The following CCDC102B variants were observed in gnomAD, a reference collection of about 807,000 sequenced individuals.
The protein encoded by CCDC102B is coiled-coil domain-containing protein 102B.
In CCDC102B, 75 loss-of-function variants were observed where a neutral mutation model predicts 57.4. The ratio of observed to expected loss-of-function variants is 1.31; its 90% confidence interval spans 1.08 to 1.58. The LOEUF is 1.58. Ranked by LOEUF, CCDC102B falls within the 40% of genes most tolerant of loss-of-function variation. The probability of loss-of-function intolerance (pLI) is 0.00; values close to 1 mark genes in which losing one functional copy is unlikely to be tolerated. For synonymous variants in CCDC102B, 206 were observed against 201.9 expected (o/e 1.02, Z -0.17); for missense variants, 636 against 582.6 (o/e 1.09, Z -0.94).
At chr18:68,899,309 A>G (rs1342111037) in intron 6 of CCDC102B, among the ~76,000 whole-genome samples, 1 of 152,062 alleles carries the variant, frequency 6.6e-6, no homozygotes. Flanking sequence ...GAACATGCCA[A>G]GGTTTAGGGA....
chr18:68,857,254 T>TA (rs1471575002), intron 4 of CCDC102B, among the ~76,000 whole-genome samples: 8 of 69,574 alleles, frequency 1.1e-4, no homozygotes, highest in Non-Finnish European at 1.9e-4. Context: ...ATATTTATTA[T>TA]TTAAATATAT....
intron 7 of CCDC102B, among the ~76,000 whole-genome samples, chr18:69,029,875 A>G (rs2052091882): frequency 6.6e-6 from 1 of 152,224 alleles, no homozygotes; most frequent in African/African-American, 2.4e-5. Context: ...TTCCATATTT[A>G]TGAAATTGGG....
Position 68,893,109 on chromosome 18 carries a change from A to G in CCDC102B, c.1054-4110A>G, listed in dbSNP as rs980697402. The stretch of plus-strand genomic sequence containing the variant: ...TACAACTTGAGGAAAAAGTAAATAC[A>G]CTATTTTGTATCTGAAGTGGCTGTT... On this transcript the variant is annotated intron_variant, in intron 5 of 7. Coordinates refer to ENST00000360242, the MANE Select transcript of CCDC102B (RefSeq NM_024781.3). 5.9e-5 allele frequency among the ~76,000 whole-genome samples: 9 copies of G among 152,210 alleles called. No homozygotes were observed. The East Asian group carries it at 1.7e-3, about 29-fold the overall frequency.
At chr18:68,887,668 G>A (rs117566161) in intron 5 of CCDC102B, among the ~76,000 whole-genome samples, 1,786 of 152,266 alleles carry the variant, frequency 0.012, 37 homozygotes, top group East Asian at 0.08. Context: ...CCACAGATGT[G>A]AATCTTCACT....
At chr18:69,036,194 A>G (rs1364551691) in intron 7 of CCDC102B, among the ~76,000 whole-genome samples, 3 of 152,038 alleles carry the variant, frequency 2.0e-5, no homozygotes, top group African/African-American at 7.2e-5. Flanking sequence ...AGCCATTTCT[A>G]TTGTGTTATA....
chr18:68,808,517 G>T (rs1404154071), intron 1 of CCDC102B, among the ~76,000 whole-genome samples: 2 of 124,010 alleles, frequency 1.6e-5, no homozygotes, highest in Non-Finnish European at 3.1e-5. Flanking sequence ...TCGCTCTTTC[G>T]GCCAGGCCGG....
chr18:68,896,325 G>A (rs539760958), intron 5 of CCDC102B, among the ~76,000 whole-genome samples: 1 of 152,030 alleles, frequency 6.6e-6, no homozygotes, highest in South Asian at 2.1e-4. Flanking sequence ...AAAAACCAAA[G>A]GAGATATTAA....
intron 5 of CCDC102B, 41 bp from the exon 6 acceptor site, chr18:68,897,178 G>T: frequency 6.5e-7 from 1 of 1,533,484 alleles, no homozygotes; most frequent in Non-Finnish European, 8.9e-7. Flanking sequence ...TTTGGCAATT[G>T]CAAATGCTGC....
At chr18:68,831,275 T>A (rs2037129885) in intron 1 of CCDC102B, among the ~76,000 whole-genome samples, 2 of 152,202 alleles carry the variant, frequency 1.3e-5, no homozygotes, top group Middle Eastern at 3.4e-3. Context: ...TCACATAGAT[T>A]TGCACCAGTG....
downstream of CCDC102B, among the ~76,000 whole-genome samples, chr18:69,056,636 A>G (rs368545896): frequency 8.2e-6 from 1 of 121,918 alleles, no homozygotes; most frequent in African/African-American, 2.9e-5. Context: ...ATAGATAGAT[A>G]ATAGATAGAT....
chr18:68,852,963 A>C (rs1466248551), intron 4 of CCDC102B, among the ~76,000 whole-genome samples: 1 of 152,164 alleles, frequency 6.6e-6, no homozygotes, highest in Non-Finnish European at 1.5e-5. Context: ...AGCAGGATGT[A>C]AATATGATCA....
chr18:68,861,995 CTACTGATTGAACA>C (rs1445912305), intron 4 of CCDC102B, among the ~76,000 whole-genome samples: 1 of 152,088 alleles, frequency 6.6e-6, no homozygotes, highest in Non-Finnish European at 1.5e-5. Context: ...TAACTTCTTT[CTACTGATTGAACA>C]AATTTATATA....
intron 6 of CCDC102B, among the ~76,000 whole-genome samples, chr18:68,990,832 G>C (rs937346763): frequency 6.6e-6 from 1 of 151,854 alleles, no homozygotes; most frequent in East Asian, 1.9e-4. Context: ...TTATGAAACA[G>C]GGAAAATTTA....
chr18:68,716,490 T>C (rs2032003368), intron 1 of CCDC102B: 1 of 152,216 alleles, frequency 6.6e-6, no homozygotes, highest in African/African-American at 2.4e-5. Context: ...GTGCCTAGTG[T>C]GATGAAATAA....
intron 6 of CCDC102B, among the ~76,000 whole-genome samples, chr18:68,996,609 G>A (rs2099240): frequency 0.86 from 130,626 of 152,164 alleles, 57,988 homozygotes; most frequent in Non-Finnish European, 0.97. Flanking sequence ...GGGGCCTGTC[G>A]CCCTTTGTTT....
At chr18:68,931,561 A>C (rs1421963375) in intron 6 of CCDC102B, among the ~76,000 whole-genome samples, 2 of 151,892 alleles carry the variant, frequency 1.3e-5, no homozygotes, top group African/African-American at 4.8e-5. Context: ...ACAGTTTATA[A>C]ACATATATAG....
At chr18:68,874,280 T>C (rs2144930499) in intron 4 of CCDC102B, among the ~76,000 whole-genome samples, 1 of 151,438 alleles carries the variant, frequency 6.6e-6, no homozygotes, top group Middle Eastern at 3.4e-3. Context: ...TATTAATGCT[T>C]TATAGAAAAT....
At chr18:68,853,369 C>T (rs867529295) in intron 4 of CCDC102B, among the ~76,000 whole-genome samples, 2 of 133,586 alleles carry the variant, frequency 1.5e-5, no homozygotes, top group Non-Finnish European at 3.3e-5. Flanking sequence ...TACTCAATTT[C>T]ATTGTCAAAA....
rs578253622 is a variant in CCDC102B at position 68,916,889 on chromosome 18, G to A, written c.1263+19461G>A. On this transcript the variant is annotated intron_variant, in intron 6 of 7. Coordinates refer to ENST00000360242, the MANE Select transcript of CCDC102B (RefSeq NM_024781.3). ...AGGGGCCTCCCATGGTTTGCAGAGG[G>A]CCCAAGGTCTGGACAGGAGCCCTGT... Among the ~76,000 whole-genome samples the A allele has an allele frequency of 3.9e-5, 6 of 152,312 alleles. No individual in the cohort carries two copies. The South Asian group carries it at 1.2e-3, about 32-fold the overall frequency.
Sources: allele counts gnomAD v4.1 joint callset (sites outside exome capture counted in the v4.1 genomes callset), GRCh38; gene constraint gnomAD v4.1.1; transcripts MANE v1.5; gene names NCBI Gene and HGNC (gene_info 2026-07-23, HGNC 2026-07-21).